The following SYNE2 variants were observed in gnomAD, a reference collection of about 807,000 sequenced individuals.
The protein encoded by SYNE2 is nesprin-2.
Under a neutral mutation model 856.3 loss-of-function variants are expected in SYNE2, and 431 were observed. The observed-to-expected ratio is 0.50, with a 90% CI of 0.47 to 0.55. The LOEUF (loss-of-function observed/expected upper bound fraction) is 0.55. Ranked by LOEUF, SYNE2 falls within the 20% of genes least tolerant of loss-of-function variation. SYNE2 has a pLI of 0.00. For synonymous variants in SYNE2, 2,923 were observed against 2,872.3 expected (o/e 1.02, Z -0.56); for missense variants, 8,129 against 8,023.2 (o/e 1.01, Z -0.50).
chr14:63,784,316 C>A (rs1167243534), intron 1 of SYNE2, among the ~76,000 whole-genome samples: 1 of 144,010 alleles, frequency 6.9e-6, no homozygotes, highest in African/African-American at 2.5e-5. Flanking sequence ...TATGGTGAAA[C>A]CCTGTCTCTA....
Position 63,997,305 on chromosome 14 carries a change from A to T in SYNE2, c.3157A>T (p.Thr1053Ser), listed in dbSNP as rs768290650. The stretch of plus-strand genomic sequence containing the variant: ...GCAATTTTGATTCCTTTCTAGGGGG[A>T]CCATCACCACATCTGAGAATAGAGG... ...TAGGTSKNEGTITTSENRGGD... is the reference protein window; with the variant it reads ...TAGGTSKNEGSITTSENRGGD... Residue 1053 changes from threonine to serine, a missense_variant, in exon 25 of 116, where the codon ACC becomes TCC. By Grantham distance (58) the Thr-to-Ser change is moderately conservative (BLOSUM62 1). This residue lies in a region of SYNE2 where 2,422 missense variants were observed against 2,357.4 expected (regional missense o/e 1.03). Coordinates refer to ENST00000555002, the MANE Select transcript of SYNE2 (RefSeq NM_182914.3). 6.8e-6 allele frequency: 11 copies of T among 1,612,690 alleles called. No individual in the cohort carries two copies. Among genetic ancestry groups the T allele is most frequent in the Non-Finnish European group, 9.3e-6 (11 of 1,179,360 alleles).
At position 64,143,772 on chromosome 14, in the gene SYNE2, G is replaced by C. The variant is rs2098160107; in HGVS notation, c.15307G>C (p.Glu5103Gln). ...QVKHLLQKHK[E>Q]FRMEMDYKQW... ...TGGTGTTTAACTTTGCTTATTTTAG[G>C]AGTTTAGAATGGAAATGGACTATAA... Residue 5103 changes from glutamate (E) to glutamine (Q), a missense_variant and splice_region_variant, in exon 83 of 116, where the codon GAG becomes CAG. This residue lies in a region of SYNE2 where 5,410 missense variants were observed against 5,284.8 expected (regional missense o/e 1.02). Transcript: ENST00000555002. The C allele has an allele frequency of 1.9e-6, 3 of 1,614,084 alleles. No individual in the cohort carries two copies. The African/African-American group carries it at 4.0e-5, about 22-fold the overall frequency.
At chr14:64,178,910 G>A (rs1339302456) in intron 96 of SYNE2, among the ~76,000 whole-genome samples, 2 of 151,996 alleles carry the variant, frequency 1.3e-5, no homozygotes, top group African/African-American at 2.4e-5. Context: ...CATATGTACA[G>A]CAAAAAATTT....
intron 6 of SYNE2, among the ~76,000 whole-genome samples, chr14:63,942,589 A>T (rs2884112): frequency 0.47 from 71,631 of 151,548 alleles, 18,193 homozygotes; most frequent in South Asian, 0.56. Context: ...TCCACCTCCC[A>T]GGTTCGAGTG....
intron 98 of SYNE2, chr14:64,188,938 T>C: frequency 1.4e-6 from 1 of 704,352 alleles, no homozygotes; most frequent in Non-Finnish European, 2.6e-6. Context: ...CGAGGAGAGT[T>C]GCTTTCTCTC....
intron 50 of SYNE2, among the ~76,000 whole-genome samples, chr14:64,063,492 A>G (rs920093990): frequency 6.6e-6 from 1 of 152,308 alleles, no homozygotes; most frequent in Non-Finnish European, 1.5e-5. Context: ...ATCACCTCTC[A>G]TGTGACTTTG....
intron 6 of SYNE2, among the ~76,000 whole-genome samples, chr14:63,949,158 G>A (rs1025322694): frequency 6.6e-6 from 1 of 151,826 alleles, no homozygotes; most frequent in Non-Finnish European, 1.5e-5. Flanking sequence ...AATGTTTTGG[G>A]TAGATACCAT....
chr14:63,953,661 C>G (rs988352059), intron 7 of SYNE2, among the ~76,000 whole-genome samples: 2 of 152,164 alleles, frequency 1.3e-5, no homozygotes, highest in East Asian at 3.8e-4. Flanking sequence ...TAACTACATT[C>G]ATATTGTTGT....
intron 1 of SYNE2, among the ~76,000 whole-genome samples, chr14:63,819,971 T>C (rs934287224): frequency 2.0e-5 from 3 of 152,172 alleles, no homozygotes; most frequent in African/African-American, 4.8e-5. Flanking sequence ...TTGCAAGACA[T>C]ATCTAGTAAA....
intron 84 of SYNE2, among the ~76,000 whole-genome samples, chr14:64,150,970 A>G (rs1249532988): frequency 6.6e-6 from 1 of 152,078 alleles, no homozygotes; most frequent in East Asian, 1.9e-4. Context: ...ATTCACCCAC[A>G]TGTTAGTATG....
intron 45 of SYNE2, among the ~76,000 whole-genome samples, chr14:64,047,545 C>G (rs1731510512): frequency 6.6e-6 from 1 of 152,128 alleles, no homozygotes; most frequent in African/African-American, 2.4e-5. Context: ...GGGCTTGCCC[C>G]TATCTGTCTA....
intron 1 of SYNE2, among the ~76,000 whole-genome samples, chr14:63,868,054 GA>G (rs749826674): frequency 1.3e-5 from 2 of 150,808 alleles, no homozygotes; most frequent in Admixed American, 6.6e-5. Flanking sequence ...TCTAAAAAAA[GA>G]AAAAAAAGAA....
intron 50 of SYNE2, among the ~76,000 whole-genome samples, chr14:64,064,963 C>T (rs1231206911): frequency 1.3e-5 from 2 of 151,404 alleles, no homozygotes; most frequent in East Asian, 3.9e-4. Flanking sequence ...CTCCCAGGTT[C>T]AGTCAATTCT....
intron 85 of SYNE2, 26 bp downstream of exon 85, chr14:64,152,742 T>C: frequency 1.2e-6 from 2 of 1,613,632 alleles, no homozygotes; most frequent in Non-Finnish European, 1.7e-6. Flanking sequence ...TGAAATGTGC[T>C]ATTTCTCTTC....
rs1253737302 is a variant in SYNE2, at chr14:64,090,887, C to T, written c.11815C>T (p.Pro3939Ser). 1.2e-6 allele frequency: 2 copies of T among 1,613,884 alleles called. No homozygotes were observed. Among genetic ancestry groups the T allele is most frequent in the Non-Finnish European group, 1.7e-6 (2 of 1,179,958 alleles). ...TAAGGTCATACTTGAAAATATACGT[C>T]CCATGAAGAAAACCATTGCTGAGAT... is the stretch of plus-strand genomic sequence containing the variant. ...HGEVILENIR[P>S]MKKTIAEIVS... The change falls in exon 60 of 116, where the codon CCC (proline) becomes TCC (serine). Residue 3939 changes from proline to serine, a missense_variant. Physicochemically the swap from Pro to Ser is moderately conservative, Grantham distance 74 (BLOSUM62 -1). Around this residue, in one of 3 missense-constraint regions of SYNE2, gnomAD observed 5,410 missense variants for 5,284.8 expected, o/e 1.02. Transcript: ENST00000555002.
rs1255953124 is a variant in SYNE2, at chr14:64,053,311, T to C, written c.9398T>C (p.Leu3133Ser). The change falls in exon 48 of 116, where the codon TTA becomes TCA. Residue 3133 changes from leucine (L) to serine (S), a missense_variant. Around this residue, in one of 3 missense-constraint regions of SYNE2, gnomAD observed 5,410 missense variants for 5,284.8 expected, o/e 1.02. Transcript: ENST00000555002. ...CTGAATGCAGAAGAAAATGATAAGT[T>C]ATACAAAGTTCTCCAAAACATGGTA... ...IKLNAEENDK[L>S]YKVLQNMVLE... 6.2e-7 allele frequency: 1 copy of C among 1,610,560 alleles called. No homozygotes were observed. The highest frequency in any genetic ancestry group is 1.7e-5 in the Admixed American group (1 of 59,338).
chr14:63,841,832 C>CTTTTTTTTTTTTTTT (rs34947861), intron 1 of SYNE2, among the ~76,000 whole-genome samples: 4 of 115,082 alleles, frequency 3.5e-5, no homozygotes, highest in African/African-American at 9.8e-5. Context: ...TTCTTTCTTT[C>CTTTTTTTTTTTTTTT]TTTTTTTTTT....
At chr14:64,216,082 G>A in intron 107 of SYNE2, 166 bp from the exon 108 acceptor site, 2 of 1,516,558 alleles carry the variant, frequency 1.3e-6, no homozygotes, top group Non-Finnish European at 1.8e-6. Context: ...TTGCTGAGTT[G>A]CATGACTCAT....
intron 84 of SYNE2, 34 bp from the exon 85 acceptor site, chr14:64,152,530 G>A (rs759378206): frequency 1.2e-6 from 2 of 1,611,280 alleles, no homozygotes; most frequent in Non-Finnish European, 1.7e-6. Context: ...TTGTAATATT[G>A]TGCATTGAAA....
Sources: gnomAD v4.1 joint callset for allele counts (sites outside exome capture counted in the v4.1 genomes callset) on GRCh38, gnomAD v4.1.1 for gene constraint, gnomAD v4.1.1 regional missense constraint, MANE v1.5 for transcripts, NCBI Gene and HGNC (gene_info 2026-07-23, HGNC 2026-07-21) for gene names.